The following ZDHHC11 variants were observed in gnomAD, a reference collection of about 807,000 sequenced individuals.
ZDHHC11 encodes palmitoyltransferase ZDHHC11.
A neutral mutation model predicts 51.3 loss-of-function variants in ZDHHC11; 44 were observed. The ratio of observed to expected loss-of-function variants is 0.86; its 90% CI spans 0.67 to 1.10. The LOEUF (loss-of-function observed/expected upper bound fraction) is 1.10, where lower values mean the gene tolerates loss of function less well. ZDHHC11 is among the 50% of genes least tolerant of loss of function. The pLI is 0.00. For synonymous variants in ZDHHC11, 163 were observed against 222.0 expected (o/e 0.73, Z 2.36); for missense variants, 400 against 537.7 (o/e 0.74, Z 2.53).
intron 5 of ZDHHC11, 56 bp downstream of exon 5, chr5:840,439 A>T: frequency 6.2e-7 from 1 of 1,611,774 alleles, no homozygotes; most frequent in Non-Finnish European, 8.5e-7. Flanking sequence ...GTGTAAGATG[A>T]GCAGCTCTGA....
rs1198458390 is a variant in ZDHHC11 at position 821,897 on chromosome 5, T to A, written c.1024-2A>T. 3.7e-6 allele frequency: 6 copies of A among 1,603,394 alleles called. No homozygotes were observed. The East Asian group carries it at 1.3e-4, about 36-fold the overall frequency. ...TGGACACGGGTCTTCATCCCCTTCC[T>A]GTGGGGAAGTGAAGCAAAATTCATA... On this transcript the variant is annotated splice_acceptor_variant, in intron 8 of 12. Coordinates refer to ENST00000283441, the MANE Select transcript of ZDHHC11 (RefSeq NM_024786.3). LOFTEE classifies it high-confidence loss of function.
intron 11 of ZDHHC11, among the ~76,000 whole-genome samples, chr5:805,765 T>A (rs1339814854): frequency 6.6e-6 from 1 of 151,246 alleles, no homozygotes; most frequent in East Asian, 1.9e-4. Flanking sequence ...CGGATTGGAT[T>A]TTTAAAAAGC....
Position 806,323 on chromosome 5 carries a change from C to A in ZDHHC11, c.1182-5159G>T, listed in dbSNP as rs1739251611. On this transcript the variant is annotated intron_variant, in intron 11 of 12. Transcript: ENST00000283441. ...GAGAGGGCCTGCTCAATGAATGGAGCTGGAAACAATACAAATCCATAGAGG... is the reference window on the plus strand; with the variant it reads ...GAGAGGGCCTGCTCAATGAATGGAGATGGAAACAATACAAATCCATAGAGG... Among the ~76,000 whole-genome samples the A allele has an allele frequency of 2.6e-5, 4 of 151,190 alleles. 1 individual carries two copies. In the South Asian group the frequency reaches 8.4e-4, roughly 32 times the overall value.
intron 11 of ZDHHC11, among the ~76,000 whole-genome samples, chr5:803,534 T>C (rs1206603481): frequency 6.6e-6 from 1 of 151,268 alleles, no homozygotes. Flanking sequence ...GCACTTGATT[T>C]TTAGAGTTAC....
intron 11 of ZDHHC11, among the ~76,000 whole-genome samples, chr5:802,602 A>G (rs1738592069): frequency 6.6e-6 from 1 of 150,404 alleles, no homozygotes; most frequent in Non-Finnish European, 1.5e-5. Context: ...ACAACCATTG[A>G]GCTATAAAGA....
chr5:843,075 C>G (rs1310957345), intron 4 of ZDHHC11, among the ~76,000 whole-genome samples: 1 of 152,294 alleles, frequency 6.6e-6, no homozygotes, highest in Non-Finnish European at 1.5e-5. Context: ...CTGGAGCCCA[C>G]AGTCCTCACC....
chr5:817,600 A>T (rs981322754), intron 10 of ZDHHC11, among the ~76,000 whole-genome samples: 3 of 151,304 alleles, frequency 2.0e-5, no homozygotes, highest in African/African-American at 7.3e-5. Context: ...TTAAAAAAAC[A>T]TATTCTGTGA....
rs1373143287 is a variant in ZDHHC11, at chr5:820,804, G to GA, written c.1058+1056dup. 2.0e-5 allele frequency among the ~76,000 whole-genome samples: 3 copies of GA among 151,342 alleles called. 1 individual carries two copies. The highest frequency in any genetic ancestry group is 6.6e-5 in the Admixed American group (1 of 15,208). Reference sequence around the variant, plus strand: ...GAATTGTCAAAAGTAAATGAAAAATGAAAAAATCTTTAGAGGCTTATTTGC... The same window carrying GA: ...GAATTGTCAAAAGTAAATGAAAAATGAAAAAAATCTTTAGAGGCTTATTTGC... On this transcript the variant is annotated intron_variant, in intron 9 of 12. Transcript: ENST00000283441.
intron 7 of ZDHHC11, among the ~76,000 whole-genome samples, chr5:827,685 T>A (rs385003): frequency 1.3e-4 from 19 of 151,006 alleles, no homozygotes; most frequent in African/African-American, 4.1e-4. Flanking sequence ...AAAATATCAC[T>A]ATCCTAACTA....
intron 6 of ZDHHC11, among the ~76,000 whole-genome samples, chr5:834,323 A>G (rs553827821): frequency 2.0e-5 from 3 of 152,274 alleles, no homozygotes; most frequent in Non-Finnish European, 2.9e-5. Flanking sequence ...AGTTTGTTCA[A>G]ATCTTTTGCC....
At chr5:855,028 GA>G (rs1747960005), upstream of ZDHHC11, among the ~76,000 whole-genome samples, 3 of 132,976 alleles carry the variant, frequency 2.3e-5, no homozygotes, top group South Asian at 2.6e-4. Flanking sequence ...GAGCCAGGGG[GA>G]CAGAACCCAC....
chr5:844,781 A>G (rs1219364354), intron 3 of ZDHHC11, among the ~76,000 whole-genome samples: 3 of 152,302 alleles, frequency 2.0e-5, no homozygotes, highest in African/African-American at 7.2e-5. Flanking sequence ...CTGAGCCAAA[A>G]GCGATGTCCA....
At chr5:810,618 C>G (rs1441521017) in intron 11 of ZDHHC11, among the ~76,000 whole-genome samples, 1 of 151,236 alleles carries the variant, frequency 6.6e-6, no homozygotes, top group Non-Finnish European at 1.5e-5. Flanking sequence ...GCAGGCAGAG[C>G]CTGAAGTAAA....
intron 3 of ZDHHC11, among the ~76,000 whole-genome samples, 199 bp from the exon 4 acceptor site, chr5:843,923 A>AGG (rs1745594590): frequency 2.1e-5 from 2 of 97,534 alleles, no homozygotes; most frequent in African/African-American, 1.3e-4. Context: ...CACGCAGGGC[A>AGG]TCTGAGGCAG....
intron 9 of ZDHHC11, among the ~76,000 whole-genome samples, chr5:821,611 T>C (rs3747737): frequency 0.24 from 35,653 of 149,816 alleles, 7,050 homozygotes; most frequent in African/African-American, 0.52. Context: ...GGACTTTTGC[T>C]GCAGGAACCA....
At chr5:803,724 A>G (rs403780) in intron 11 of ZDHHC11, among the ~76,000 whole-genome samples, 1 of 150,558 alleles carries the variant, frequency 6.6e-6, no homozygotes, top group Admixed American at 6.6e-5. Context: ...TATGCTCAGT[A>G]AACTACAGGA....
chr5:801,265 G>A, intron 11 of ZDHHC11, 101 bp from the exon 12 acceptor site: 8 of 1,473,778 alleles, frequency 5.4e-6, no homozygotes, highest in Non-Finnish European at 6.5e-6. Context: ...GTACATTTTA[G>A]AGATTAGCTT....
At position 850,889 on chromosome 5, in the gene ZDHHC11, T is replaced by G; in HGVS notation, c.-287A>C. On this transcript the variant is annotated 5_prime_UTR_variant, in exon 1 of 13. Coordinates refer to ENST00000283441, the MANE Select transcript of ZDHHC11 (RefSeq NM_024786.3). Reference sequence around the variant, plus strand: ...GCTCTCCAGGGTGTGGAGGACCCAGTGCCCGCGCGACCGCCCATCAGTTCC... The same window carrying G: ...GCTCTCCAGGGTGTGGAGGACCCAGGGCCCGCGCGACCGCCCATCAGTTCC... 7.1e-5 allele frequency: 33 copies of G among 461,828 alleles called. No individual in the cohort carries two copies. Among genetic ancestry groups the G allele is most frequent in the Middle Eastern group, 5.5e-4 (1 of 1,832 alleles). 28.6% of individuals were successfully genotyped at this position (461,828 alleles called of 1,614,324 possible). A position where few individuals can be genotyped will look rare whatever the true frequency, so the allele number is the denominator to read the frequency against.
intron 11 of ZDHHC11, among the ~76,000 whole-genome samples, chr5:814,032 T>A (rs2150316477): frequency 6.7e-6 from 1 of 149,812 alleles, no homozygotes; most frequent in African/African-American, 2.5e-5. Context: ...CCTAAAACTC[T>A]GGGAAATGTT....
Sources: gnomAD v4.1 joint callset for allele counts (sites outside exome capture counted in the v4.1 genomes callset) on GRCh38, gnomAD v4.1.1 for gene constraint, MANE v1.5 for transcripts, NCBI Gene and HGNC (gene_info 2026-07-23, HGNC 2026-07-21) for gene names.